KMT5A: variants seen among roughly 807,000 people sequenced by gnomAD.
The protein encoded by KMT5A is lysine methyltransferase 5A.
Under a neutral mutation model 40.6 loss-of-function variants are expected in KMT5A, and 6 were observed. That is an observed-to-expected ratio of 0.15 (90% CI 0.08 to 0.29). KMT5A has a LOEUF of 0.29. KMT5A is among the 10% of genes least tolerant of loss of function. The pLI is 1.00. For missense variants in KMT5A, 308 were observed against 459.1 expected (o/e 0.67, Z 3.01); for synonymous variants, 153 against 178.8 (o/e 0.86, Z 1.15).
chr12:123,390,869 A>G (rs1877266696), intron 3 of KMT5A, 83 bp downstream of exon 3: 15 of 1,477,496 alleles, frequency 1.0e-5, no homozygotes, highest in South Asian at 6.2e-5. Context: ...GCACATATGT[A>G]TTTATCCAAC....
intron 5 of KMT5A, among the ~76,000 whole-genome samples, chr12:123,399,176 C>T (rs1207727545): frequency 6.6e-6 from 1 of 152,268 alleles, no homozygotes; most frequent in Non-Finnish European, 1.5e-5. Flanking sequence ...CAGCTCGGCC[C>T]CAGGGCCAGA....
intron 2 of KMT5A, 39 bp downstream of exon 2, chr12:123,389,593 G>A (rs1877121031): frequency 9.4e-7 from 1 of 1,065,498 alleles, no homozygotes; most frequent in Non-Finnish European, 1.1e-6. Context: ...CGGCGCGCCC[G>A]CCGGGCCGGG....
chr12:123,389,323 T>C (rs1877091693), intron 1 of KMT5A, 110 bp from the exon 2 acceptor site: 4 of 703,592 alleles, frequency 5.7e-6, no homozygotes, highest in African/African-American at 2.1e-5. Flanking sequence ...CCTCGAAATA[T>C]GGCTGCGGCG....
At chr12:123,397,615 A>G (rs1877830797) in intron 5 of KMT5A, among the ~76,000 whole-genome samples, 1 of 151,710 alleles carries the variant, frequency 6.6e-6, no homozygotes, top group South Asian at 2.1e-4. Context: ...TCAGCCAAGA[A>G]TGAGCTGTTT....
intron 1 of KMT5A, among the ~76,000 whole-genome samples, chr12:123,386,559 A>G (rs1478914979): frequency 6.6e-6 from 1 of 152,190 alleles, no homozygotes; most frequent in Non-Finnish European, 1.5e-5. Context: ...AGCACTTCAA[A>G]TGAACAGTCT....
At chr12:123,397,316 C>T (rs573087120) in intron 5 of KMT5A, among the ~76,000 whole-genome samples, 2 of 152,350 alleles carry the variant, frequency 1.3e-5, no homozygotes, top group South Asian at 4.1e-4. Flanking sequence ...GGGGCTGCCC[C>T]TCTGCTCTCC....
intron 5 of KMT5A, among the ~76,000 whole-genome samples, chr12:123,401,227 C>T (rs1235015506): frequency 7.9e-6 from 1 of 126,702 alleles, no homozygotes; most frequent in Non-Finnish European, 1.6e-5. Flanking sequence ...TGGCTCACTG[C>T]AAGCTCCGCC....
At chr12:123,388,157 A>T (rs2139155225) in intron 1 of KMT5A, among the ~76,000 whole-genome samples, 1 of 152,300 alleles carries the variant, frequency 6.6e-6, no homozygotes, top group Admixed American at 6.5e-5. Context: ...ACAAGGTGAC[A>T]TGTTAAACCC....
At chr12:123,405,958 TAC>T (rs1334834634) in intron 7 of KMT5A, among the ~76,000 whole-genome samples, 1 of 152,012 alleles carries the variant, frequency 6.6e-6, no homozygotes, top group South Asian at 2.1e-4. Context: ...TAGCTGGGAC[TAC>T]ACACACATGC....
intron 5 of KMT5A, among the ~76,000 whole-genome samples, chr12:123,398,291 AAAAG>A (rs1877891003): frequency 6.6e-6 from 1 of 151,904 alleles, no homozygotes; most frequent in Admixed American, 6.6e-5. Context: ...CAAAAAAAAA[AAAAG>A]ACAGCACTGC....
chr12:123,401,144 CTTTTT>C (rs58431238), intron 5 of KMT5A, among the ~76,000 whole-genome samples: 1 of 75,678 alleles, frequency 1.3e-5, no homozygotes, highest in African/African-American at 5.3e-5. Context: ...ATATATCTTT[CTTTTT>C]TTTTTTTTTT....
chr12:123,394,982 C>A (rs1326958267), intron 3 of KMT5A, 65 bp from the exon 4 acceptor site: 7 of 1,385,146 alleles, frequency 5.1e-6, no homozygotes, highest in Non-Finnish European at 7.0e-6. Context: ...TAGAATGCAG[C>A]TGGTCGTCTG....
intron 7 of KMT5A, among the ~76,000 whole-genome samples, chr12:123,407,093 C>T (rs1011640908): frequency 1.5e-5 from 2 of 137,204 alleles, no homozygotes; most frequent in African/African-American, 5.4e-5. Flanking sequence ...ATCTCAAAAA[C>T]TCAGGAGGCC....
chr12:123,395,286 C>G lies in KMT5A; in HGVS notation c.509+20C>G, dbSNP rs769241070. The G allele has an allele frequency of 6.2e-7, 1 of 1,606,386 alleles. No individual in the cohort carries two copies. Among genetic ancestry groups the G allele is most frequent in the Non-Finnish European group, 8.5e-7 (1 of 1,176,498 alleles). ...AAAAAAGTAAGTGCCCCATTCAGTCCTCTTCCTAACGTGGAGCAGTTTGGT... is the reference window on the plus strand; with the variant it reads ...AAAAAAGTAAGTGCCCCATTCAGTCGTCTTCCTAACGTGGAGCAGTTTGGT... On this transcript the variant is annotated intron_variant, in intron 4 of 7. Transcript: ENST00000402868.
At chr12:123,386,771 G>T (rs535240337) in intron 1 of KMT5A, among the ~76,000 whole-genome samples, 2 of 152,198 alleles carry the variant, frequency 1.3e-5, no homozygotes, top group East Asian at 3.9e-4. Flanking sequence ...TTGTTGAATG[G>T]TCTCTTGGTT....
rs1174195199 is a variant in KMT5A at position 123,408,489 on chromosome 12, TAA to T, written c.*792_*793del. ...ATTTTAAAAAATAATAATAAAAATT[TAA>T]AAAAATTAAAAATAAAAAAAACCAC... On this transcript the variant is annotated 3_prime_UTR_variant, in exon 8 of 8. Coordinates refer to ENST00000402868, the MANE Select transcript of KMT5A (RefSeq NM_020382.7). 1 of 143,182 alleles carries T rather than the reference TAA, an allele frequency of 7.0e-6. No individual in the cohort carries two copies. The highest frequency in any genetic ancestry group is 1.5e-5 in the Non-Finnish European group (1 of 66,446). The allele number at this position is 143,182 out of a possible 1,614,324, so 8.9% of individuals were successfully genotyped here.
rs374415100 is a variant in KMT5A, at chr12:123,395,112, G to A, written c.355G>A (p.Ala119Thr). 1.1e-4 allele frequency: 179 copies of A among 1,602,928 alleles called. 1 individual carries two copies. The South Asian group carries it at 1.8e-3, about 16-fold the overall frequency. ...GTCCGAGGAACAGAAGATCAAAGAC[G>A]CCAGGAAAGGTCCCCTGGTACCTTT... is the stretch of plus-strand genomic sequence containing the variant. ...MKSEEQKIKD[A>T]RKGPLVPFPN... Residue 119 changes from alanine (A) to threonine (T), a missense_variant, in exon 4 of 8, where the codon GCC (alanine) becomes ACC (threonine). Around this residue, in one of 4 missense-constraint regions of KMT5A, gnomAD observed 127 missense variants for 129.8 expected, o/e 0.98. Coordinates refer to ENST00000402868, the MANE Select transcript of KMT5A (RefSeq NM_020382.7).
intron 3 of KMT5A, among the ~76,000 whole-genome samples, chr12:123,392,499 A>G (rs948731991): frequency 6.6e-6 from 1 of 151,884 alleles, no homozygotes; most frequent in African/African-American, 2.4e-5. Flanking sequence ...CTCTACAACA[A>G]TGAAAACAAA....
chr12:123,405,298 C>T (rs1878453641), intron 7 of KMT5A, among the ~76,000 whole-genome samples: 1 of 150,574 alleles, frequency 6.6e-6, no homozygotes, highest in African/African-American at 2.4e-5. Context: ...TCAAAGAATT[C>T]TCCTCCCTCA....
Sources: gnomAD v4.1 joint callset for allele counts (sites outside exome capture counted in the v4.1 genomes callset) on GRCh38, gnomAD v4.1.1 for gene constraint, gnomAD v4.1.1 regional missense constraint, MANE v1.5 for transcripts, NCBI Gene and HGNC (gene_info 2026-07-23, HGNC 2026-07-21) for gene names.